The following AFAP1 variants were observed in gnomAD, a reference collection of about 807,000 sequenced individuals.
The protein encoded by AFAP1 is actin filament-associated protein 1.
Under a neutral mutation model 93.9 loss-of-function variants are expected in AFAP1, and 75 were observed. That is an observed-to-expected ratio of 0.80 (90% CI 0.66 to 0.97). The LOEUF (loss-of-function observed/expected upper bound fraction) is 0.97. Among genes scored for constraint, AFAP1 ranks in the 50% least tolerant of loss-of-function variants. AFAP1 has a pLI of 0.00. For synonymous variants in AFAP1, 517 were observed against 430.7 expected (o/e 1.20, Z -2.48); for missense variants, 1,201 against 1,050.8 (o/e 1.14, Z -1.98).
At chr4:7,899,161 G>T (rs551955185) in intron 1 of AFAP1, among the ~76,000 whole-genome samples, 3 of 152,094 alleles carry the variant, frequency 2.0e-5, no homozygotes, top group East Asian at 3.9e-4. Flanking sequence ...GCATTGGTAT[G>T]GAACATGCTG....
intron 1 of AFAP1, among the ~76,000 whole-genome samples, chr4:7,927,510 A>G (rs1225247795): frequency 6.6e-6 from 1 of 152,250 alleles, no homozygotes; most frequent in African/African-American, 2.4e-5. Flanking sequence ...TATTGAACAC[A>G]GTAACTTAGC....
chr4:7,866,757 C>T (rs1371405191), intron 3 of AFAP1, among the ~76,000 whole-genome samples: 1 of 151,778 alleles, frequency 6.6e-6, no homozygotes, highest in Admixed American at 6.6e-5. Flanking sequence ...GCAAATGAGG[C>T]CAGGTGGGGT....
chr4:7,801,232 A>AC (rs1718990685), intron 9 of AFAP1, among the ~76,000 whole-genome samples: 1 of 152,242 alleles, frequency 6.6e-6, no homozygotes, highest in Non-Finnish European at 1.5e-5. Flanking sequence ...GCAGGTTCCC[A>AC]CCTGAGGCTG....
intron 11 of AFAP1, among the ~76,000 whole-genome samples, chr4:7,791,905 G>C (rs746650012): frequency 1.3e-5 from 2 of 151,298 alleles, no homozygotes; most frequent in African/African-American, 2.4e-5. Context: ...AAACGTGGCA[G>C]AGTGTTCACG....
intron 6 of AFAP1, among the ~76,000 whole-genome samples, chr4:7,826,681 C>G (rs113279379): frequency 1.3e-5 from 2 of 152,204 alleles, no homozygotes; most frequent in Admixed American, 6.5e-5. Flanking sequence ...TGATCCAACA[C>G]GTCAATGGTT....
At chr4:7,908,144 G>T (rs1371432556) in intron 1 of AFAP1, among the ~76,000 whole-genome samples, 1 of 150,680 alleles carries the variant, frequency 6.6e-6, no homozygotes, top group Admixed American at 6.6e-5. Flanking sequence ...CCTGGGGGGA[G>T]CACGTTGCAG....
intron 17 of AFAP1, among the ~76,000 whole-genome samples, chr4:7,766,701 G>A (rs1403057934): frequency 2.0e-5 from 3 of 152,112 alleles, no homozygotes; most frequent in Non-Finnish European, 1.5e-5. Context: ...GCAGCCCAGC[G>A]CCTGCCCCTC....
intron 11 of AFAP1, among the ~76,000 whole-genome samples, chr4:7,791,952 C>G (rs571632894): frequency 1.3e-5 from 2 of 151,970 alleles, no homozygotes. Context: ...ACGCCAATAA[C>G]GAACCAGAAA....
At chr4:7,825,550 A>C (rs1721346647) in intron 6 of AFAP1, among the ~76,000 whole-genome samples, 1 of 152,360 alleles carries the variant, frequency 6.6e-6, no homozygotes, top group Non-Finnish European at 1.5e-5. Flanking sequence ...CTGAATAATA[A>C]AAGTACAAAA....
chr4:7,770,089 T>G (rs544123848), intron 16 of AFAP1, among the ~76,000 whole-genome samples: 1 of 152,244 alleles, frequency 6.6e-6, no homozygotes, highest in South Asian at 2.1e-4. Flanking sequence ...CTTCCCCAGA[T>G]GCGGGGACAG....
chr4:7,771,916 G>C (rs1017196927), intron 16 of AFAP1, among the ~76,000 whole-genome samples: 2 of 152,284 alleles, frequency 1.3e-5, no homozygotes, highest in Admixed American at 6.5e-5. Flanking sequence ...AGAACAGGCT[G>C]TGCGGGTGGT....
chr4:7,804,266 G>C (rs1719307238), intron 9 of AFAP1, among the ~76,000 whole-genome samples: 1 of 152,220 alleles, frequency 6.6e-6, no homozygotes, highest in Non-Finnish European at 1.5e-5. Context: ...GCAGGCGGGA[G>C]CTTCAAGGCT....
chr4:7,844,366 C>G (rs1212642741), intron 4 of AFAP1, among the ~76,000 whole-genome samples: 1 of 152,144 alleles, frequency 6.6e-6, no homozygotes, highest in Non-Finnish European at 1.5e-5. Flanking sequence ...GAAGAGGCCT[C>G]GCCAGAACCC....
At chr4:7,770,575 G>A (rs898491630) in intron 16 of AFAP1, among the ~76,000 whole-genome samples, 4 of 152,192 alleles carry the variant, frequency 2.6e-5, no homozygotes, top group African/African-American at 9.7e-5. Flanking sequence ...AGGAGGCCAG[G>A]CAGAACCTTC....
chr4:7,809,032 T>C (rs1719776310), intron 9 of AFAP1, among the ~76,000 whole-genome samples: 1 of 150,780 alleles, frequency 6.6e-6, no homozygotes, highest in Admixed American at 6.7e-5. Flanking sequence ...TGACTAACAG[T>C]GACGTGATAA....
intron 1 of AFAP1, chr4:7,872,305 A>G: frequency 2.2e-6 from 1 of 450,420 alleles, no homozygotes. Flanking sequence ...AGCAAAATTC[A>G]ACTGGGAGAA....
chr4:7,881,600 T>C (rs1429070566), intron 1 of AFAP1, among the ~76,000 whole-genome samples: 1 of 152,120 alleles, frequency 6.6e-6, no homozygotes, highest in Non-Finnish European at 1.5e-5. Flanking sequence ...CTGGCTAAGA[T>C]GGCGAAACTC....
intron 6 of AFAP1, among the ~76,000 whole-genome samples, chr4:7,822,696 T>C (rs1187081564): frequency 1.3e-5 from 2 of 150,562 alleles, no homozygotes; most frequent in Non-Finnish European, 3.0e-5. Flanking sequence ...GCCATTCTCC[T>C]GCCTCAGCCT....
chr4:7,887,616 T>A (rs1718207530), intron 1 of AFAP1, among the ~76,000 whole-genome samples: 1 of 152,198 alleles, frequency 6.6e-6, no homozygotes, highest in African/African-American at 2.4e-5. Flanking sequence ...AGGCTTTAAA[T>A]CATTTTTATA....
Sources: gnomAD v4.1 joint callset for allele counts (sites outside exome capture counted in the v4.1 genomes callset) on GRCh38, gnomAD v4.1.1 for gene constraint, MANE v1.5 for transcripts, NCBI Gene and HGNC (gene_info 2026-07-23, HGNC 2026-07-21) for gene names.